The following EYS variants were observed in gnomAD, a reference collection of about 807,000 sequenced individuals.
EYS encodes protein eyes shut homolog.
EYS carries 250 observed loss-of-function variants against 282.1 expected under a neutral mutation model. The ratio of observed to expected loss-of-function variants is 0.89; its 90% CI spans 0.80 to 0.98. The LOEUF is 0.98. EYS is among the 50% of genes least tolerant of loss of function. The pLI, the probability that EYS is intolerant of heterozygous loss-of-function variation, is 0.00. For missense variants in EYS, 4,016 were observed against 3,709.0 expected (o/e 1.08, Z -2.15); for synonymous variants, 1,355 against 1,282.9 (o/e 1.06, Z -1.20).
intron 41 of EYS, among the ~76,000 whole-genome samples, chr6:63,735,126 C>T (rs542311680): frequency 6.6e-6 from 1 of 152,068 alleles, no homozygotes; most frequent in Non-Finnish European, 1.5e-5. Flanking sequence ...GCAGGTAGCA[C>T]GAGGCCTTAC....
Position 64,815,576 on chromosome 6 carries a change from C to A in EYS, c.3244-1999G>T, listed in dbSNP as rs150861102. 1.4e-4 allele frequency among the ~76,000 whole-genome samples: 22 copies of A among 152,036 alleles called. No individual in the cohort carries two copies. In the East Asian group the frequency reaches 4.1e-3, roughly 28 times the overall value. On this transcript the variant is annotated intron_variant, in intron 21 of 42. Transcript: ENST00000503581. ...TGTCATTTAAAGTTCTTGATCTTTC[C>A]TGGTTTAAAAATTTAAAAGGATGCC...
chr6:63,999,267 T>TTCATTGAGAGAGGTA, intron 33 of EYS, 84 bp from the exon 34 acceptor site: 1 of 848,180 alleles, frequency 1.2e-6, no homozygotes. Context: ...TAAGTACTTC[T>TTCATTGAGAGAGGTA]TCATTGAGAG....
At chr6:64,711,153 T>TA (rs1178258653) in intron 22 of EYS, among the ~76,000 whole-genome samples, 1 of 152,220 alleles carries the variant, frequency 6.6e-6, no homozygotes, top group African/African-American at 2.4e-5. Context: ...AGACATTGTT[T>TA]ACCTCAAAAA....
At chr6:63,805,734 T>A (rs534265430) in intron 37 of EYS, among the ~76,000 whole-genome samples, 29 of 152,272 alleles carry the variant, frequency 1.9e-4, no homozygotes, top group African/African-American at 6.5e-4. Context: ...TGCGTTCTCG[T>A]GATAGTGAGT....
intron 31 of EYS, among the ~76,000 whole-genome samples, chr6:64,217,857 G>A (rs923117290): frequency 1.3e-5 from 2 of 152,116 alleles, no homozygotes; most frequent in Non-Finnish European, 2.9e-5. Context: ...AGAAAGCACT[G>A]AGGCATATCC....
At chr6:64,981,157 T>C (rs1248250457) in intron 14 of EYS, among the ~76,000 whole-genome samples, 1 of 151,426 alleles carries the variant, frequency 6.6e-6, no homozygotes, top group African/African-American at 2.4e-5. Context: ...GGCAATATAC[T>C]GGGTTTTATA....
At position 65,606,761 on chromosome 6, in the gene EYS, T is replaced by C. The variant is rs1318331892; in HGVS notation, c.-333+33017A>G. Among the ~76,000 whole-genome samples the C allele has an allele frequency of 3.3e-5, 5 of 151,844 alleles. No individual in the cohort carries two copies. The East Asian group carries it at 9.7e-4, about 29-fold the overall frequency. The stretch of plus-strand genomic sequence containing the variant: ...TAATCAGCTTGACTATCCTTCTGCA[T>C]CTAAACATGAATTAAACAATCTTAA... On this transcript the variant is annotated intron_variant, in intron 2 of 42. Coordinates refer to ENST00000503581, the MANE Select transcript of EYS (RefSeq NM_001142800.2).
At chr6:65,645,275 T>C (rs938472294) in intron 1 of EYS, among the ~76,000 whole-genome samples, 6 of 152,112 alleles carry the variant, frequency 3.9e-5, no homozygotes, top group Admixed American at 1.3e-4. Context: ...AGATAAACCA[T>C]ATGATAGGCC....
At chr6:64,724,068 GT>G (rs5876916) in intron 22 of EYS, among the ~76,000 whole-genome samples, 14,209 of 150,858 alleles carry the variant, frequency 0.094, 806 homozygotes, top group East Asian at 0.18. Context: ...AATCATTGTT[GT>G]TTTTTTTTTT....
chr6:64,449,472 C>A (rs1476318971), intron 26 of EYS, among the ~76,000 whole-genome samples: 2 of 152,122 alleles, frequency 1.3e-5, no homozygotes, highest in African/African-American at 4.8e-5. Context: ...TCTAGCAAGG[C>A]AGGCCAACAT....
chr6:64,411,088 G>C (rs866961713), intron 28 of EYS, among the ~76,000 whole-genome samples: 1 of 152,066 alleles, frequency 6.6e-6, no homozygotes, highest in Non-Finnish European at 1.5e-5. Flanking sequence ...ATAATCAGGA[G>C]AGAAACACTG....
intron 2 of EYS, among the ~76,000 whole-genome samples, chr6:65,577,486 A>G (rs974072356): frequency 9.9e-5 from 15 of 151,840 alleles, no homozygotes; most frequent in Admixed American, 2.0e-4. Flanking sequence ...GAAAAAACAC[A>G]GAGGAAAAGC....
At chr6:65,350,790 C>T (rs1770569555) in intron 9 of EYS, among the ~76,000 whole-genome samples, 1 of 151,742 alleles carries the variant, frequency 6.6e-6, no homozygotes, top group South Asian at 2.1e-4. Context: ...ACCAATTGTC[C>T]TTGAAGGGGC....
chr6:64,925,459 G>A (rs1374682255), intron 15 of EYS, among the ~76,000 whole-genome samples: 3 of 152,110 alleles, frequency 2.0e-5, no homozygotes, highest in East Asian at 1.9e-4. Context: ...TTGTGGTAGC[G>A]ATGTGCCTGG....
At chr6:64,652,319 G>A (rs1185346149) in intron 22 of EYS, among the ~76,000 whole-genome samples, 1 of 152,168 alleles carries the variant, frequency 6.6e-6, no homozygotes, top group African/African-American at 2.4e-5. Context: ...TATTTTCTCT[G>A]ATGGGGCACA....
intron 31 of EYS, among the ~76,000 whole-genome samples, chr6:64,093,040 A>G (rs1202298269): frequency 2.6e-5 from 4 of 151,596 alleles, no homozygotes; most frequent in Non-Finnish European, 4.4e-5. Flanking sequence ...TTTTTCTCAG[A>G]TTTGTCAAAT....
At chr6:65,357,456 T>TA (rs1764531471) in intron 8 of EYS, among the ~76,000 whole-genome samples, 1 of 152,004 alleles carries the variant, frequency 6.6e-6, no homozygotes, top group Non-Finnish European at 1.5e-5. Flanking sequence ...TGTTTGTCTT[T>TA]AAATTGCTCT....
chr6:64,084,571 T>C (rs191371772), intron 31 of EYS, among the ~76,000 whole-genome samples: 185 of 152,294 alleles, frequency 1.2e-3, no homozygotes, highest in African/African-American at 4.2e-3. Context: ...AAGGCACCCA[T>C]TGAAGTTAGT....
At chr6:64,734,296 G>T (rs1772105993) in intron 22 of EYS, among the ~76,000 whole-genome samples, 1 of 151,706 alleles carries the variant, frequency 6.6e-6, no homozygotes, top group Admixed American at 6.6e-5. Context: ...ATCCATGTAA[G>T]TTATCTATAG....
Sources: gnomAD v4.1 joint callset for allele counts (sites outside exome capture counted in the v4.1 genomes callset) on GRCh38, gnomAD v4.1.1 for gene constraint, MANE v1.5 for transcripts, NCBI Gene and HGNC (gene_info 2026-07-23, HGNC 2026-07-21) for gene names.